Variants in PIGR observed in about 807,000 individuals in gnomAD.
PIGR encodes polymeric immunoglobulin receptor.
A neutral mutation model predicts 69.5 loss-of-function variants in PIGR; 22 were observed. The observed-to-expected ratio is 0.32, with a 90% confidence interval of 0.23 to 0.45. The LOEUF (loss-of-function observed/expected upper bound fraction) is 0.45, where lower values mean the gene tolerates loss of function less well. Among genes scored for constraint, PIGR ranks in the 20% least tolerant of loss-of-function variants. The pLI is 1.00. For missense variants in PIGR, 885 were observed against 974.0 expected, an observed-to-expected ratio of 0.91 and a Z score of 1.22; for synonymous variants, 413 against 407.6, an observed-to-expected ratio of 1.01 and a Z score of -0.16.
Position 206,935,919 on chromosome 1 carries a change from G to T in PIGR, c.1046-101C>A. The stretch of plus-strand genomic sequence containing the variant: ...CCCGGGGTCTCAGCCAGGATGGGGA[G>T]TGAAGTTTACACGCATCACCTTACC... On this transcript the variant is annotated intron_variant, in intron 4 of 10. Transcript: ENST00000356495. The surrounding 1 kb of genome is among the most constrained non-coding windows in gnomAD (Gnocchi z 4.4). 1 of 836,324 alleles carries T rather than the reference G, an allele frequency of 1.2e-6. No individual in the cohort carries two copies. The highest frequency in any genetic ancestry group is 1.7e-5 in the South Asian group (1 of 58,230). 51.8% of individuals were successfully genotyped at this position (836,324 alleles called of 1,614,324 possible). A position where few individuals can be genotyped will look rare whatever the true frequency, so the allele number is the denominator to read the frequency against.
At chr1:206,931,140 G>A (rs566334620) in intron 10 of PIGR, 2 of 985,296 alleles carry the variant, frequency 2.0e-6, no homozygotes, top group African/African-American at 1.7e-5. Context: ...TGTGGCCTGA[G>A]GTCCTTGGGT....
chr1:206,930,467 A>T lies in PIGR; in HGVS notation c.2200-54T>A. 1.3e-6 allele frequency: 2 copies of T among 1,574,280 alleles called. No homozygotes were observed. The highest frequency in any genetic ancestry group is 1.7e-6 in the Non-Finnish European group (2 of 1,159,972). ...TTGGGGGCACTGGCTCAGTGGGTGG[A>T]GTCAGGGGAGGGGAGGTGCTTAATG... is the stretch of plus-strand genomic sequence containing the variant. On this transcript the variant is annotated intron_variant, in intron 10 of 10. Coordinates refer to ENST00000356495, the MANE Select transcript of PIGR (RefSeq NM_002644.4). The surrounding 1 kb of genome is among the most constrained non-coding windows in gnomAD (Gnocchi z 4.3).
intron 4 of PIGR, among the ~76,000 whole-genome samples, chr1:206,936,591 G>A (rs1008096066): frequency 7.9e-5 from 12 of 152,216 alleles, no homozygotes; most frequent in African/African-American, 1.7e-4. Context: ...GTAGGGCTGA[G>A]TGGGCCAGAT....
chr1:206,933,535 G>C (rs1324029820), intron 6 of PIGR, among the ~76,000 whole-genome samples: 1 of 152,180 alleles, frequency 6.6e-6, no homozygotes, highest in African/African-American at 2.4e-5. Flanking sequence ...AGGTAGCCTG[G>C]CGATGGGCCC....
In PIGR at chr1:206,937,325, C is replaced by T. The variant is rs781770996; in HGVS notation, c.815G>A (p.Arg272Gln). 27 of 1,612,746 alleles carry T rather than the reference C, an allele frequency of 1.7e-5. No homozygotes were observed. The highest frequency in any genetic ancestry group is 1.0e-4 in the Admixed American group (6 of 59,922). ...GTCACAGTTTTCCCCACTGCTCTGT[C>T]GGCACAGAAATTTGGCCACGTTTGC... ...EVANVAKFLC[R>Q]QSSGENCDVV... The change falls in exon 4 of 11, where the codon CGA (arginine) becomes CAA (glutamine). Residue 272 changes from arginine to glutamine, a missense_variant. Coordinates refer to ENST00000356495, the MANE Select transcript of PIGR (RefSeq NM_002644.4).
In PIGR at chr1:206,930,902, CA is replaced by C. The variant is rs1679725765; in HGVS notation, c.2200-490del. 11 of 985,296 alleles carry C rather than the reference CA, an allele frequency of 1.1e-5. No homozygotes were observed. Among genetic ancestry groups the C allele is most frequent in the Non-Finnish European group, 1.3e-5 (11 of 829,912 alleles). The allele number at this position is 985,296 out of a possible 1,614,324, so 61.0% of individuals were successfully genotyped here. A position where few individuals can be genotyped will look rare whatever the true frequency, so the allele number is the denominator to read the frequency against. On this transcript the variant is annotated intron_variant, in intron 10 of 10. Coordinates refer to ENST00000356495, the MANE Select transcript of PIGR (RefSeq NM_002644.4). The surrounding 1 kb of genome is among the most constrained non-coding windows in gnomAD (Gnocchi z 4.3). ...ATGATAAAAACAACAACAACAACAACAAAAACTCTCACCTCGGGATTAAAGG... is the reference window on the plus strand; with the variant it reads ...ATGATAAAAACAACAACAACAACAACAAAACTCTCACCTCGGGATTAAAGG...
chr1:206,934,854 T>C, intron 5 of PIGR, 108 bp from the exon 6 acceptor site: 1 of 628,962 alleles, frequency 1.6e-6, no homozygotes, highest in East Asian at 3.1e-5. Context: ...TACATATATA[T>C]ATATATTTTT....
chr1:206,933,064 C>T lies in PIGR; in HGVS notation c.1808G>A (p.Arg603Lys), dbSNP rs1424677539. The stretch of plus-strand genomic sequence containing the variant: ...CACCGCCTTTTCCTCTGCAAAAAGC[C>T]TGGGATCCTGAATGGCTTTGTTCTC... ...EIENKAIQDP[R>K]LFAEEKAVAD... Residue 603 changes from arginine (R) to lysine (K), a missense_variant, in exon 7 of 11, where the codon AGG becomes AAG. Coordinates refer to ENST00000356495, the MANE Select transcript of PIGR (RefSeq NM_002644.4). 6.2e-7 allele frequency: 1 copy of T among 1,614,096 alleles called. No homozygotes were observed. Among genetic ancestry groups the T allele is most frequent in the Non-Finnish European group, 8.5e-7 (1 of 1,180,044 alleles).
Position 206,937,475 on chromosome 1 carries a change from G to A in PIGR, c.665C>T (p.Ala222Val), listed in dbSNP as rs774720380. The change falls in exon 4 of 11, where the codon GCT (alanine) becomes GTT (valine). Residue 222 changes from alanine (A) to valine (V), a missense_variant. By Grantham distance (64) the Ala-to-Val change is moderately conservative (BLOSUM62 0). Coordinates refer to ENST00000356495, the MANE Select transcript of PIGR (RefSeq NM_002644.4). ...LSDAGQYLCQ[A>V]GDDSNSNKKN... The stretch of plus-strand genomic sequence containing the variant: ...CTTATTACTATTGGAATCATCCCCA[G>A]CCTGGCAGAGATACTGCCCAGCATC... The A allele has an allele frequency of 1.5e-5, 24 of 1,614,084 alleles. No homozygotes were observed. The highest frequency in any genetic ancestry group is 2.2e-5 in the East Asian group (1 of 44,894).
In PIGR at chr1:206,931,531, G is replaced by C; in HGVS notation, c.2165C>G (p.Thr722Ser). 6.2e-7 allele frequency: 1 copy of C among 1,614,046 alleles called. No individual in the cohort carries two copies. Among genetic ancestry groups the C allele is most frequent in the Non-Finnish European group, 8.5e-7 (1 of 1,179,998 alleles). The change falls in exon 10 of 11, where the codon ACC (threonine) becomes AGC (serine). Residue 722 changes from threonine to serine, a missense_variant. Coordinates refer to ENST00000356495, the MANE Select transcript of PIGR (RefSeq NM_002644.4). ...KEEFVATTES[T>S]TETKEPKKAK... is the part of the protein sequence containing the mutation. ...CTTCTTGGGTTCTTTGGTCTCTGTG[G>C]TGCTCTCAGTGGTGGCAACAAACTC...
chr1:206,934,034 G>T (rs1356945972), intron 6 of PIGR, among the ~76,000 whole-genome samples: 3 of 152,052 alleles, frequency 2.0e-5, no homozygotes, highest in Non-Finnish European at 2.9e-5. Context: ...GCTAATTTTT[G>T]TATTTTTAGT....
intron 3 of PIGR, 125 bp from the exon 4 acceptor site, chr1:206,937,876 C>T: frequency 1.2e-6 from 1 of 823,306 alleles, no homozygotes; most frequent in Admixed American, 2.7e-5. Flanking sequence ...GCCCTCCTTC[C>T]CAGAGGAATG....
chr1:206,941,292 G>A (rs576462030), intron 1 of PIGR, among the ~76,000 whole-genome samples: 57 of 152,226 alleles, frequency 3.7e-4, no homozygotes, highest in African/African-American at 1.1e-3. Context: ...AATGGGGGTC[G>A]GGGAAGATTT....
At position 206,939,164 on chromosome 1, in the gene PIGR, T is replaced by A. The variant is rs759351118; in HGVS notation, c.343A>T (p.Asn115Tyr). Reference sequence around the variant, plus strand: ...ACATCAAAGGACAGGCCTCGGCTATTGATGCCCAGGCCACACTTGTAGCGC... The same window carrying A: ...ACATCAAAGGACAGGCCTCGGCTATAGATGCCCAGGCCACACTTGTAGCGC... ...SGRYKCGLGI[N>Y]SRGLSFDVSL... Residue 115 changes from asparagine (N) to tyrosine (Y), a missense_variant, in exon 3 of 11, where the codon AAT becomes TAT. By Grantham distance (143) the Asn-to-Tyr change is moderately radical (BLOSUM62 -2). Transcript: ENST00000356495. 6.2e-7 allele frequency: 1 copy of A among 1,613,804 alleles called. No homozygotes were observed. Among genetic ancestry groups the A allele is most frequent in the East Asian group, 2.2e-5 (1 of 44,880 alleles).
chr1:206,931,027 G>A (rs1182619887), intron 10 of PIGR: 1 of 985,288 alleles, frequency 1.0e-6, no homozygotes, highest in Non-Finnish European at 1.2e-6. Context: ...GGGGCTTCAA[G>A]AGAAGTGAGC....
chr1:206,940,492 G>A lies in PIGR; in HGVS notation c.40C>T (p.Pro14Ser), dbSNP rs1679959698. The change falls in exon 2 of 11, where the codon CCA becomes TCA. Residue 14 changes from proline to serine, a missense_variant. By Grantham distance (74) the Pro-to-Ser change is moderately conservative. Coordinates refer to ENST00000356495, the MANE Select transcript of PIGR (RefSeq NM_002644.4). ...AGTTGGGGCCTGGCAGACACACCTG[G>A]GAAGACCGCCAGCAGGCAGGTGAGC... ...FVLTCLLAVFPAISTKSPIFG... is the reference protein window; with the variant it reads ...FVLTCLLAVFSAISTKSPIFG... 1.3e-6 allele frequency: 2 copies of A among 1,551,390 alleles called. No homozygotes were observed. The highest frequency in any genetic ancestry group is 1.4e-5 in the African/African-American group (1 of 73,044).
At position 206,935,730 on chromosome 1, in the gene PIGR, G is replaced by A; in HGVS notation, c.1134C>T (p.Ser378=). Residue 378 remains serine (S), a synonymous_variant, in exon 5 of 11, where the codon AGC becomes AGT. Transcript: ENST00000356495. This position sits in a 1 kb window ranked among gnomAD's most constrained non-coding sequence, Gnocchi z 4.4. The stretch of plus-strand genomic sequence containing the variant: ...AGAGACACCAGTACTTGATGCTTTT[G>A]CTTTCCTTACGGTTGTAGGGGCAGA... ...AVLCPYNRKE[S]KSIKYWCLWE... is the part of the protein sequence containing the mutation. 6.2e-7 allele frequency: 1 copy of A among 1,614,116 alleles called. No individual in the cohort carries two copies. The highest frequency in any genetic ancestry group is 8.5e-7 in the Non-Finnish European group (1 of 1,180,022).
intron 2 of PIGR, 118 bp downstream of exon 2, chr1:206,940,371 A>C: frequency 1.0e-6 from 1 of 954,176 alleles, no homozygotes; most frequent in Non-Finnish European, 1.6e-6. Flanking sequence ...GGAAGTGCCA[A>C]CTTTGAGAGG....
chr1:206,934,391 G>A (rs775299482), intron 6 of PIGR, 29 bp downstream of exon 6: 1 of 1,581,896 alleles, frequency 6.3e-7, no homozygotes, highest in African/African-American at 1.3e-5. Context: ...TGGGTCTGAG[G>A]GGTGCAGGCC....
Sources: gnomAD v4.1 joint callset for allele counts (sites outside exome capture counted in the v4.1 genomes callset) on GRCh38, gnomAD v4.1.1 for gene constraint, Gnocchi (gnomAD v3.1) non-coding constraint, MANE v1.5 for transcripts, NCBI Gene and HGNC (gene_info 2026-07-23, HGNC 2026-07-21) for gene names.